RBFOX1: variants seen among roughly 807,000 people sequenced by gnomAD.
RBFOX1 encodes the protein RNA binding fox-1 homolog 1.
Under a neutral mutation model 57.7 loss-of-function variants are expected in RBFOX1, and 8 were observed. The ratio of observed to expected loss-of-function variants is 0.14; its 90% confidence interval spans 0.08 to 0.25. The LOEUF is 0.25. RBFOX1 is among the 10% of genes least tolerant of loss of function. The pLI is 1.00. For synonymous variants in RBFOX1, 326 were observed against 222.4 expected, an observed-to-expected ratio of 1.47 and a Z score of -4.15; for missense variants, 611 against 548.5, an observed-to-expected ratio of 1.11 and a Z score of -1.14.
chr16:6,992,465 T>C (rs1440588464), intron 3 of RBFOX1, among the ~76,000 whole-genome samples: 14 of 152,070 alleles, frequency 9.2e-5, no homozygotes, highest in African/African-American at 3.4e-4. Flanking sequence ...TGATCTGCCT[T>C]GGCCTCCCAA....
Position 7,146,219 on chromosome 16 carries a change from G to T in RBFOX1, c.27+94121G>T, listed in dbSNP as rs536153031. Among the ~76,000 whole-genome samples the T allele has an allele frequency of 2.4e-4, 16 of 65,924 alleles. No homozygotes were observed. In the East Asian group the frequency reaches 5.6e-3, roughly 23 times the overall value. The allele number at this position is 65,924 out of a possible 152,430, so 43.2% of individuals were successfully genotyped here. A position where few individuals can be genotyped will look rare whatever the true frequency, so the allele number is the denominator to read the frequency against. The stretch of plus-strand genomic sequence containing the variant: ...CCCTTCCCCATTTCCCATGATACTG[G>T]GCCTCACAATCCATATGCAGGAACA... On this transcript the variant is annotated intron_variant, in intron 4 of 15. Coordinates refer to ENST00000550418, the MANE Select transcript of RBFOX1 (RefSeq NM_018723.4).
chr16:6,099,664 G>C (rs1036140639), intron 1 of RBFOX1, among the ~76,000 whole-genome samples: 4 of 152,276 alleles, frequency 2.6e-5, no homozygotes, highest in Non-Finnish European at 5.9e-5. Flanking sequence ...AGTACATTTT[G>C]TGACTGTCAC....
intron 3 of RBFOX1, among the ~76,000 whole-genome samples, chr16:5,747,198 A>G (rs111911285): frequency 0.036 from 5,458 of 152,256 alleles, 156 homozygotes; most frequent in East Asian, 0.14. Flanking sequence ...ATTGATTTGC[A>G]TATGTTGAAC....
intron 3 of RBFOX1, among the ~76,000 whole-genome samples, chr16:7,028,306 A>G (rs1474007751): frequency 3.9e-5 from 6 of 152,118 alleles, no homozygotes; most frequent in African/African-American, 1.2e-4. Flanking sequence ...CTGACTTGGT[A>G]TAAATGGGCT....
intron 1 of RBFOX1, chr16:5,467,173 C>A: frequency 1.8e-6 from 2 of 1,092,782 alleles, no homozygotes; most frequent in Non-Finnish European, 1.3e-6. Context: ...CTCAATGTTT[C>A]TTCTCTCTCT....
chr16:6,170,383 C>T (rs79559579), intron 1 of RBFOX1, among the ~76,000 whole-genome samples: 2 of 152,138 alleles, frequency 1.3e-5, no homozygotes, highest in Admixed American at 6.5e-5. Context: ...TGTAATCAAT[C>T]TGCAGTAAAC....
intron 14 of RBFOX1, among the ~76,000 whole-genome samples, chr16:7,688,767 C>T (rs567978954): frequency 6.6e-6 from 1 of 152,218 alleles, no homozygotes; most frequent in South Asian, 2.1e-4. Context: ...GTGAAAGAGA[C>T]AGACCATGGC....
chr16:6,878,200 C>T lies in RBFOX1; in HGVS notation c.-15-173857C>T, dbSNP rs552073357. Among the ~76,000 whole-genome samples the T allele has an allele frequency of 5.2e-4, 79 of 152,288 alleles. 1 individual carries two copies. The highest frequency in any genetic ancestry group is 2.9e-3 in the South Asian group (14 of 4,822). ...CCCCAAGCAATATATTGTATGGTCACCATGCAGGCTCATCAACAAAGATTC... is the reference window on the plus strand; with the variant it reads ...CCCCAAGCAATATATTGTATGGTCATCATGCAGGCTCATCAACAAAGATTC... On this transcript the variant is annotated intron_variant, in intron 3 of 15. Coordinates refer to ENST00000550418, the MANE Select transcript of RBFOX1 (RefSeq NM_018723.4).
At chr16:7,628,772 C>T (rs1019759979) in intron 10 of RBFOX1, among the ~76,000 whole-genome samples, 1 of 152,010 alleles carries the variant, frequency 6.6e-6, no homozygotes, top group African/African-American at 2.4e-5. Context: ...GCCACCACAC[C>T]CAGCTAATTT....
intron 5 of RBFOX1, among the ~76,000 whole-genome samples, chr16:7,526,917 A>G (rs1007150145): frequency 6.6e-6 from 1 of 152,190 alleles, no homozygotes; most frequent in African/African-American, 2.4e-5. Context: ...GGAAGCCCAG[A>G]AGGCATCCCC....
intron 4 of RBFOX1, among the ~76,000 whole-genome samples, chr16:5,968,491 T>C (rs1005682691): frequency 1.3e-5 from 2 of 152,232 alleles, no homozygotes; most frequent in Non-Finnish European, 2.9e-5. Flanking sequence ...GTAGAACACG[T>C]GGGTCACTTT....
At chr16:7,403,693 C>T (rs2098283103) in intron 4 of RBFOX1, among the ~76,000 whole-genome samples, 1 of 151,248 alleles carries the variant, frequency 6.6e-6, no homozygotes. Context: ...ATTACAGGCA[C>T]CTGCCACTAC....
intron 4 of RBFOX1, among the ~76,000 whole-genome samples, chr16:7,427,279 T>C (rs1312225569): frequency 1.3e-5 from 2 of 152,098 alleles, no homozygotes; most frequent in Non-Finnish European, 2.9e-5. Context: ...ATTAATAAAA[T>C]AAAATAAAAC....
At chr16:5,355,094 A>G (rs1414976865) in intron 1 of RBFOX1, among the ~76,000 whole-genome samples, 1 of 151,986 alleles carries the variant, frequency 6.6e-6, no homozygotes, top group Non-Finnish European at 1.5e-5. Context: ...TAAAAGAGAG[A>G]GAGGGAGGGA....
intron 2 of RBFOX1, among the ~76,000 whole-genome samples, chr16:6,505,479 G>A (rs1193972534): frequency 6.6e-6 from 1 of 152,152 alleles, no homozygotes; most frequent in Non-Finnish European, 1.5e-5. Flanking sequence ...AATCAGAATT[G>A]AAAAATATTA....
chr16:7,664,170 A>G (rs1421778123), intron 12 of RBFOX1, among the ~76,000 whole-genome samples: 1 of 152,248 alleles, frequency 6.6e-6, no homozygotes, highest in Non-Finnish European at 1.5e-5. Context: ...ACACATGCAT[A>G]TATACATGTT....
intron 3 of RBFOX1, among the ~76,000 whole-genome samples, chr16:7,016,173 G>A (rs8063106): frequency 2.0e-5 from 3 of 152,066 alleles, no homozygotes; most frequent in African/African-American, 4.8e-5. Flanking sequence ...CCCTTGCCGC[G>A]GTGAATTTGA....
chr16:7,467,264 G>A (rs773983478), intron 4 of RBFOX1, among the ~76,000 whole-genome samples: 14 of 152,104 alleles, frequency 9.2e-5, no homozygotes, highest in Non-Finnish European at 1.9e-4. Context: ...CTCTCAATAG[G>A]GAACAAGTGC....
At chr16:6,140,522 G>T (rs1036867024) in intron 1 of RBFOX1, among the ~76,000 whole-genome samples, 12 of 152,072 alleles carry the variant, frequency 7.9e-5, no homozygotes, top group African/African-American at 2.7e-4. Context: ...TCTCCTGTAG[G>T]GTGGCCTGTA....
Sources: gnomAD v4.1 joint callset for allele counts (sites outside exome capture counted in the v4.1 genomes callset) on GRCh38, gnomAD v4.1.1 for gene constraint, MANE v1.5 for transcripts, NCBI Gene and HGNC (gene_info 2026-07-23, HGNC 2026-07-21) for gene names.